Variants in VWA3B observed in about 807,000 individuals in gnomAD.
VWA3B encodes the protein von Willebrand factor A domain-containing protein 3B.
A neutral mutation model predicts 158.3 loss-of-function variants in VWA3B; 138 were observed. The ratio of observed to expected loss-of-function variants is 0.87; its 90% CI spans 0.76 to 1.00. VWA3B has a LOEUF of 1.00. Ranked by LOEUF, VWA3B falls within the 50% of genes least tolerant of loss-of-function variation. VWA3B has a pLI of 0.00. For synonymous variants in VWA3B, 596 were observed against 587.3 expected, an observed-to-expected ratio of 1.01 and a Z score of -0.21; for missense variants, 1,555 against 1,565.1, an observed-to-expected ratio of 0.99 and a Z score of 0.11.
intron 8 of VWA3B, among the ~76,000 whole-genome samples, chr2:98,177,051 T>TG (rs1263946223): frequency 1.3e-5 from 2 of 152,146 alleles, no homozygotes; most frequent in African/African-American, 4.8e-5. Context: ...AAATCCCTGA[T>TG]GGCTGTGAGC....
intron 8 of VWA3B, among the ~76,000 whole-genome samples, chr2:98,169,719 G>GT (rs1679417086): frequency 2.2e-5 from 1 of 45,260 alleles, no homozygotes; most frequent in African/African-American, 4.0e-4. Flanking sequence ...GGCATTCTGT[G>GT]TGTGTGTGTG....
chr2:98,109,843 C>T (rs1428824647), intron 2 of VWA3B, among the ~76,000 whole-genome samples: 1 of 150,560 alleles, frequency 6.6e-6, no homozygotes, highest in Non-Finnish European at 1.5e-5. Context: ...TCTTTCTGGC[C>T]TCCATGGTTT....
At chr2:98,163,494 T>C (rs1678813093) in intron 8 of VWA3B, among the ~76,000 whole-genome samples, 1 of 152,090 alleles carries the variant, frequency 6.6e-6, no homozygotes, top group Non-Finnish European at 1.5e-5. Context: ...GCCGAGATCG[T>C]GCCACTGCAC....
At chr2:98,272,746 ATAAATATATATATGCCATG>A (rs1168985979) in intron 22 of VWA3B, among the ~76,000 whole-genome samples, 1 of 152,266 alleles carries the variant, frequency 6.6e-6, no homozygotes. Context: ...TATATGCCAT[ATAAATATATATATGCCATG>A]TAAATATATA....
Position 98,128,212 on chromosome 2 carries a change from TAAACCGTTGGCACCAC to T in VWA3B, c.703-26_703-11del. Reference sequence around the variant, plus strand: ...ACCAAGCTAGGGCATGTGAGGGAGATAAACCGTTGGCACCACTGTTTTGCAGATTGAATCCATTTAC... The same window carrying T: ...ACCAAGCTAGGGCATGTGAGGGAGATTGTTTTGCAGATTGAATCCATTTAC... On this transcript the variant is annotated splice_polypyrimidine_tract_variant and intron_variant, in intron 5 of 27. Transcript: ENST00000477737. 1 of 1,611,804 alleles carries T rather than the reference TAAACCGTTGGCACCAC, an allele frequency of 6.2e-7. No individual in the cohort carries two copies. The highest frequency in any genetic ancestry group is 8.5e-7 in the Non-Finnish European group (1 of 1,178,160).
intron 7 of VWA3B, among the ~76,000 whole-genome samples, chr2:98,140,119 G>A (rs1162644260): frequency 1.3e-5 from 2 of 152,010 alleles, no homozygotes; most frequent in Non-Finnish European, 2.9e-5. Context: ...AAGAAACTCC[G>A]AACACATCCG....
the VWA3B span, among the ~76,000 whole-genome samples, chr2:98,326,457 A>C: frequency 1.3e-5 from 2 of 152,212 alleles, no homozygotes; most frequent in African/African-American, 4.8e-5. Context: ...AATTTTATCA[A>C]ATATTTGAAG....
chr2:98,102,165 T>A (rs1263646452), intron 2 of VWA3B, among the ~76,000 whole-genome samples: 2 of 152,180 alleles, frequency 1.3e-5, no homozygotes, highest in African/African-American at 4.8e-5. Context: ...ACACAGCACA[T>A]GTTTCAGAGA....
chr2:98,298,577 T>G (rs1044177783), intron 24 of VWA3B, among the ~76,000 whole-genome samples: 7 of 152,228 alleles, frequency 4.6e-5, no homozygotes, highest in African/African-American at 1.7e-4. Context: ...GGTGATACCG[T>G]AATGCACAGT....
chr2:98,211,879 G>A, intron 12 of VWA3B, 51 bp from the exon 13 acceptor site: 1 of 1,490,476 alleles, frequency 6.7e-7, no homozygotes, highest in Non-Finnish European at 9.2e-7. Context: ...ACTTGTTTGT[G>A]AATTCTTTTT....
intron 19 of VWA3B, among the ~76,000 whole-genome samples, chr2:98,249,188 A>T (rs909915884): frequency 6.6e-6 from 1 of 152,092 alleles, no homozygotes; most frequent in African/African-American, 2.4e-5. Context: ...TAATATATGG[A>T]ATATACCTTT....
intron 12 of VWA3B, among the ~76,000 whole-genome samples, chr2:98,208,597 T>G (rs1298487162): frequency 2.0e-5 from 3 of 152,224 alleles, no homozygotes; most frequent in African/African-American, 7.2e-5. Flanking sequence ...TATTGTGATG[T>G]AACTTATCAC....
At chr2:98,256,384 C>T (rs563741301) in intron 21 of VWA3B, among the ~76,000 whole-genome samples, 3 of 152,126 alleles carry the variant, frequency 2.0e-5, no homozygotes, top group African/African-American at 7.2e-5. Flanking sequence ...CTGTCTCCCC[C>T]TTTTCTGGGT....
At chr2:98,262,405 A>G (rs1033300458) in intron 21 of VWA3B, among the ~76,000 whole-genome samples, 3 of 151,788 alleles carry the variant, frequency 2.0e-5, no homozygotes, top group African/African-American at 7.2e-5. Context: ...TAGGAGTTGT[A>G]TAGGCTTGGA....
At chr2:98,243,714 C>G (rs1686221106) in intron 19 of VWA3B, among the ~76,000 whole-genome samples, 1 of 152,180 alleles carries the variant, frequency 6.6e-6, no homozygotes, top group Non-Finnish European at 1.5e-5. Context: ...GCCCTGCTTT[C>G]ATTTTGTTCT....
intron 12 of VWA3B, among the ~76,000 whole-genome samples, chr2:98,195,824 T>G (rs1681994693): frequency 6.6e-6 from 1 of 152,202 alleles, no homozygotes; most frequent in African/African-American, 2.4e-5. Flanking sequence ...TCTTTACAAA[T>G]TTTCACTGAT....
intron 22 of VWA3B, among the ~76,000 whole-genome samples, chr2:98,276,078 G>T (rs1688503942): frequency 6.6e-6 from 1 of 152,214 alleles, no homozygotes; most frequent in Non-Finnish European, 1.5e-5. Flanking sequence ...AGCCACCCTT[G>T]TCTGTTAGGG....
At chr2:98,230,746 A>G (rs745539017) in intron 16 of VWA3B, among the ~76,000 whole-genome samples, 14 of 152,202 alleles carry the variant, frequency 9.2e-5, no homozygotes, top group Non-Finnish European at 1.8e-4. Flanking sequence ...ATTGGGGGAA[A>G]GGATGCCTAC....
At chr2:98,233,295 A>T (rs1685458436) in intron 16 of VWA3B, among the ~76,000 whole-genome samples, 1 of 152,166 alleles carries the variant, frequency 6.6e-6, no homozygotes, top group African/African-American at 2.4e-5. Context: ...GCCATGACTG[A>T]TCCTACAGAG....
Sources: allele counts gnomAD v4.1 joint callset (sites outside exome capture counted in the v4.1 genomes callset), GRCh38; gene constraint gnomAD v4.1.1; transcripts MANE v1.5; gene names NCBI Gene and HGNC (gene_info 2026-07-23, HGNC 2026-07-21).